PCDHGA4: variants seen among roughly 807,000 people sequenced by gnomAD.
The protein encoded by PCDHGA4 is protocadherin gamma-A4.
PCDHGA4 carries 38 observed loss-of-function variants against 54.6 expected under a neutral mutation model. The ratio of observed to expected loss-of-function variants is 0.70; its 90% CI spans 0.54 to 0.91. The LOEUF (loss-of-function observed/expected upper bound fraction) is 0.91, where lower values mean the gene tolerates loss of function less well. PCDHGA4 is among the 40% of genes least tolerant of loss of function. The pLI, the probability that PCDHGA4 is intolerant of heterozygous loss-of-function variation, is 0.00. For missense variants in PCDHGA4, 1,298 were observed against 1,220.9 expected (o/e 1.06, Z -0.94); for synonymous variants, 511 against 512.9 (o/e 1.00, Z 0.05).
At chr5:141,507,831 T>C (rs2099864030) in intron 3 of PCDHGA4, among the ~76,000 whole-genome samples, 1 of 152,134 alleles carries the variant, frequency 6.6e-6, no homozygotes, top group African/African-American at 2.4e-5. Context: ...GTGGAGGTGG[T>C]GGGTCAGGCC....
chr5:141,399,807 C>T, intron 1 of PCDHGA4: 1 of 1,613,222 alleles, frequency 6.2e-7, no homozygotes, highest in Non-Finnish European at 8.5e-7. Context: ...GGGTGCTGTA[C>T]CCCGCGCTGG....
At chr5:141,419,472 G>T in intron 1 of PCDHGA4, 1 of 1,612,328 alleles carries the variant, frequency 6.2e-7, no homozygotes, top group South Asian at 1.1e-5. Flanking sequence ...CGCGACCAGG[G>T]CTCGCCCGCG....
chr5:141,415,408 G>T, intron 1 of PCDHGA4: 1 of 1,614,224 alleles, frequency 6.2e-7, no homozygotes, highest in Non-Finnish European at 8.5e-7. Context: ...CTCGCACTTT[G>T]TGGGCGTGGA....
chr5:141,477,379 A>C lies in PCDHGA4; in HGVS notation c.2515-17428A>C, dbSNP rs1293075706. The stretch of plus-strand genomic sequence containing the variant: ...CAGACCTGGATCGGGAGACTGTGCC[A>C]GAATACAACCTCAGCATCACCGCCC... On this transcript the variant is annotated intron_variant, in intron 1 of 3. Transcript: ENST00000571252. This position sits in a 1 kb window ranked among gnomAD's most constrained non-coding sequence, Gnocchi z 4.9. 2 of 1,614,184 alleles carry C rather than the reference A, an allele frequency of 1.2e-6. No homozygotes were observed. Among genetic ancestry groups the C allele is most frequent in the Non-Finnish European group, 1.7e-6 (2 of 1,180,034 alleles).
intron 1 of PCDHGA4, chr5:141,417,091 A>G (rs1345871347): frequency 6.6e-6 from 1 of 152,194 alleles, no homozygotes; most frequent in Non-Finnish European, 1.5e-5. Flanking sequence ...TTTTGATTAT[A>G]ATTATTTAAA....
chr5:141,404,707 C>A, intron 1 of PCDHGA4: 1 of 1,614,122 alleles, frequency 6.2e-7, no homozygotes, highest in South Asian at 1.1e-5. Flanking sequence ...CAGAGCCTGG[C>A]TACCTGGTGA....
chr5:141,365,149 A>G, intron 1 of PCDHGA4: 1 of 1,613,978 alleles, frequency 6.2e-7, no homozygotes, highest in South Asian at 1.1e-5. Context: ...ATGAGGGAAT[A>G]AACGGGAAAT....
In PCDHGA4 at chr5:141,491,893, G is replaced by A; in HGVS notation, c.2515-2914G>A. The stretch of plus-strand genomic sequence containing the variant: ...GGCCGATTAAGGGATGGGGCTCCGA[G>A]CACCGGGGGTGGTGGCGACTGTGGG... On this transcript the variant is annotated intron_variant, in intron 1 of 3. Transcript: ENST00000571252. This position sits in a 1 kb window ranked among gnomAD's most constrained non-coding sequence, Gnocchi z 6.9. 9 of 1,438,856 alleles carry A rather than the reference G, an allele frequency of 6.3e-6. No individual in the cohort carries two copies. Among genetic ancestry groups the A allele is most frequent in the Non-Finnish European group, 8.3e-6 (9 of 1,088,104 alleles). 89.1% of individuals were successfully genotyped at this position (1,438,856 alleles called of 1,614,324 possible). A position where few individuals can be genotyped will look rare whatever the true frequency, so the allele number is the denominator to read the frequency against.
intron 1 of PCDHGA4, among the ~76,000 whole-genome samples, chr5:141,471,035 G>A (rs2099247157): frequency 7.1e-6 from 1 of 141,386 alleles, no homozygotes; most frequent in Admixed American, 7.1e-5. Flanking sequence ...TTATTAACAA[G>A]CCCAAGCCCT....
intron 1 of PCDHGA4, chr5:141,417,887 C>A: frequency 6.4e-7 from 1 of 1,564,888 alleles, no homozygotes; most frequent in Non-Finnish European, 8.7e-7. Context: ...GCAGAGGCGC[C>A]GGGCCGGCCC....
chr5:141,374,326 C>T (rs1343594345), intron 1 of PCDHGA4: 6 of 1,613,980 alleles, frequency 3.7e-6, no homozygotes, highest in East Asian at 4.5e-5. Context: ...ATCCGCGAAA[C>T]GGCAGCTTGG....
chr5:141,490,374 C>T lies in PCDHGA4; in HGVS notation c.2515-4433C>T, dbSNP rs1452417604. 1.2e-6 allele frequency: 2 copies of T among 1,614,082 alleles called. No homozygotes were observed. Among genetic ancestry groups the T allele is most frequent in the Middle Eastern group, 1.6e-4 (1 of 6,084 alleles). ...GGTTGTTTAATGTGCGAGACCGGGA[C>T]TCAGGTAGAAATGGTGAAGTGAGCC... On this transcript the variant is annotated intron_variant, in intron 1 of 3. Coordinates refer to ENST00000571252, the MANE Select transcript of PCDHGA4 (RefSeq NM_018917.4). This position sits in a 1 kb window ranked among gnomAD's most constrained non-coding sequence, Gnocchi z 5.4.
chr5:141,433,091 A>G (rs1344906248), intron 1 of PCDHGA4: 2 of 1,614,182 alleles, frequency 1.2e-6, no homozygotes, highest in African/African-American at 1.3e-5. Flanking sequence ...CTATGCAGAC[A>G]TGCTCGTCAG....
At chr5:141,488,660 G>A (rs1274725688) in intron 1 of PCDHGA4, among the ~76,000 whole-genome samples, 1 of 152,148 alleles carries the variant, frequency 6.6e-6, no homozygotes, top group East Asian at 1.9e-4. Flanking sequence ...GGGAGGGTGG[G>A]GGAATACATG....
At position 141,432,232 on chromosome 5, in the gene PCDHGA4, G is replaced by A. The variant is rs766929605; in HGVS notation, c.2515-62575G>A. Reference sequence around the variant, plus strand: ...AGAACGCCCAGATCACTTATTCCCTGGCTGAGAACACCATCCAAGGGGCAA... The same window carrying A: ...AGAACGCCCAGATCACTTATTCCCTAGCTGAGAACACCATCCAAGGGGCAA... On this transcript the variant is annotated intron_variant, in intron 1 of 3. Coordinates refer to ENST00000571252, the MANE Select transcript of PCDHGA4 (RefSeq NM_018917.4). The surrounding 1 kb of genome is among the most constrained non-coding windows in gnomAD (Gnocchi z 6.0). The A allele has an allele frequency of 6.2e-7, 1 of 1,614,188 alleles. No homozygotes were observed. The highest frequency in any genetic ancestry group is 1.6e-4 in the Middle Eastern group (1 of 6,062).
chr5:141,421,751 C>T (rs751678934), intron 1 of PCDHGA4: 1 of 1,613,932 alleles, frequency 6.2e-7, no homozygotes, highest in South Asian at 1.1e-5. Context: ...CAGCTCAGCC[C>T]TAATAATTAC....
At chr5:141,443,853 A>G (rs929370798) in intron 1 of PCDHGA4, among the ~76,000 whole-genome samples, 3 of 152,230 alleles carry the variant, frequency 2.0e-5, no homozygotes, top group African/African-American at 7.2e-5. Flanking sequence ...GGAAAGTCTG[A>G]AAACTGAAAA....
At chr5:141,460,741 A>G (rs1378900827) in intron 1 of PCDHGA4, among the ~76,000 whole-genome samples, 1 of 152,128 alleles carries the variant, frequency 6.6e-6, no homozygotes, top group Non-Finnish European at 1.5e-5. Flanking sequence ...CACATTGTAT[A>G]TATATGTGTA....
At chr5:141,508,483 G>T (rs1186425031) in intron 3 of PCDHGA4, among the ~76,000 whole-genome samples, 2 of 152,154 alleles carry the variant, frequency 1.3e-5, no homozygotes, top group East Asian at 3.9e-4. Context: ...TTACATTCTG[G>T]ATTTCCATAT....
Sources: gnomAD v4.1 joint callset for allele counts (sites outside exome capture counted in the v4.1 genomes callset) on GRCh38, gnomAD v4.1.1 for gene constraint, Gnocchi (gnomAD v3.1) non-coding constraint, MANE v1.5 for transcripts, NCBI Gene and HGNC (gene_info 2026-07-23, HGNC 2026-07-21) for gene names.